Variants in RPGR observed in about 807,000 individuals in gnomAD.
RPGR encodes the protein X-linked retinitis pigmentosa GTPase regulator.
Under a neutral mutation model 56.3 loss-of-function variants are expected in RPGR, and 10 were observed. The ratio of observed to expected loss-of-function variants is 0.18; its 90% CI spans 0.11 to 0.30. The LOEUF (loss-of-function observed/expected upper bound fraction) is 0.30, where lower values mean the gene tolerates loss of function less well. Ranked by LOEUF, RPGR falls within the 10% of genes least tolerant of loss-of-function variation. The pLI is 1.00. For synonymous variants in RPGR, 197 were observed against 212.9 expected (o/e 0.93, Z 0.65); for missense variants, 538 against 590.9 (o/e 0.91, Z 0.93).
At chrX:38,302,121 T>A (rs2067512127) in intron 8 of RPGR, among the ~76,000 whole-genome samples, 1 of 111,809 alleles carries the variant, frequency 8.9e-6, no homozygotes, top group South Asian at 3.7e-4. Flanking sequence ...TGATGAGTAA[T>A]CTTGTCACTT....
chrX:38,270,609 C>T (rs183683356), intron 18 of RPGR, among the ~76,000 whole-genome samples: 2,050 of 91,742 alleles, frequency 0.022, 43 homozygotes, highest in Middle Eastern at 0.053. Context: ...GGCGACAGAG[C>T]GAGACTCTGT....
intron 15 of RPGR, chrX:38,285,226 T>C (rs1462637085): frequency 2.6e-5 from 24 of 920,278 alleles, no homozygotes; most frequent in Non-Finnish European, 2.4e-5. Flanking sequence ...TCTTGTAGTA[T>C]ATTCCTGTTT....
chrX:38,317,722 A>G (rs1315983946), intron 5 of RPGR: 1 of 289,458 alleles, frequency 3.5e-6, no homozygotes, highest in African/African-American at 2.7e-5. Context: ...TTATCTCGAT[A>G]GCAAAGACAG....
At chrX:38,304,501 G>A (rs2067559203) in intron 8 of RPGR, 134 bp downstream of exon 8, 1 of 502,189 alleles carries the variant, frequency 2.0e-6, no homozygotes, top group Admixed American at 3.8e-5. Context: ...CTTTGGAATA[G>A]TAAACATGGA....
chrX:38,287,574 C>G (rs1475928345), intron 14 of RPGR: 3 of 506,480 alleles, frequency 5.9e-6, no homozygotes, highest in Non-Finnish European at 1.1e-5. Context: ...TCTCAGTATT[C>G]ATACCTCTAT....
At chrX:38,319,646 T>C (rs990635633) in intron 4 of RPGR, among the ~76,000 whole-genome samples, 2 of 112,176 alleles carry the variant, frequency 1.8e-5, no homozygotes, top group South Asian at 3.7e-4. Context: ...ACCTACTTCA[T>C]AGAGTTGTTA....
At chrX:38,285,481 T>C in intron 15 of RPGR, 1 of 1,209,590 alleles carries the variant, frequency 8.3e-7, no homozygotes, top group Non-Finnish European at 1.1e-6. Context: ...TGAGTGCCCG[T>C]TATATGCAAG....
intron 5 of RPGR, 30 bp downstream of exon 5, chrX:38,318,799 G>A: frequency 8.3e-7 from 1 of 1,206,402 alleles, no homozygotes; most frequent in East Asian, 3.0e-5. Flanking sequence ...AAAGGAATGT[G>A]TCCCAGACTG....
At chrX:38,324,153 G>A (rs114190925) in intron 1 of RPGR, among the ~76,000 whole-genome samples, 3,629 of 111,675 alleles carry the variant, frequency 0.032, 98 homozygotes, top group African/African-American at 0.091. Context: ...GCACAATCAC[G>A]GCTAACTGCT....
At chrX:38,311,919 G>A (rs1328168417) in intron 6 of RPGR, among the ~76,000 whole-genome samples, 1 of 111,859 alleles carries the variant, frequency 8.9e-6, no homozygotes, top group Non-Finnish European at 1.9e-5. Flanking sequence ...GAAAGTACTA[G>A]GAAGCCCAAG....
chrX:38,312,436 C>T, intron 6 of RPGR, among the ~76,000 whole-genome samples: 1 of 111,168 alleles, frequency 9.0e-6, no homozygotes, highest in South Asian at 3.8e-4. Context: ...CACACAATAT[C>T]AGATGCATCT....
At chrX:38,307,770 T>C (rs2067630490) in intron 7 of RPGR, among the ~76,000 whole-genome samples, 1 of 112,063 alleles carries the variant, frequency 8.9e-6, no homozygotes, top group South Asian at 3.7e-4. Flanking sequence ...CTCTCACAGG[T>C]CCATGGAGAA....
chrX:38,315,215 C>G (rs1328112663), intron 6 of RPGR, among the ~76,000 whole-genome samples: 1 of 110,938 alleles, frequency 9.0e-6, no homozygotes, highest in Non-Finnish European at 1.9e-5. Context: ...GCCTGTAATT[C>G]CAGCTACTCA....
At chrX:38,315,272 C>T (rs1181908865) in intron 6 of RPGR, among the ~76,000 whole-genome samples, 1 of 111,401 alleles carries the variant, frequency 9.0e-6, no homozygotes, top group African/African-American at 3.3e-5. Flanking sequence ...GCAGAGGTTG[C>T]AGTGAGCCGG....
chrX:38,275,631 T>C (rs1469077566), intron 16 of RPGR, among the ~76,000 whole-genome samples: 1 of 111,775 alleles, frequency 8.9e-6, no homozygotes, highest in African/African-American at 3.3e-5. Flanking sequence ...AAGAATGACC[T>C]TTACCACAAT....
intron 1 of RPGR, among the ~76,000 whole-genome samples, chrX:38,324,488 C>G (rs1367934200): frequency 1.8e-5 from 2 of 110,361 alleles, no homozygotes; most frequent in Admixed American, 9.6e-5. Context: ...AATTACTCCA[C>G]CACTATCTCT....
intron 1 of RPGR, among the ~76,000 whole-genome samples, chrX:38,323,894 T>C (rs2067994754): frequency 8.9e-6 from 1 of 112,184 alleles, no homozygotes; most frequent in South Asian, 3.7e-4. Context: ...TAACACCTCA[T>C]GGTCTGGCCT....
At chrX:38,323,163 A>G (rs1468324230) in intron 2 of RPGR, among the ~76,000 whole-genome samples, 3 of 112,131 alleles carry the variant, frequency 2.7e-5, no homozygotes, top group Non-Finnish European at 5.6e-5. Context: ...ATTATATTGA[A>G]ATAGATTCAT....
rs1229688029 is a variant in RPGR, at chrX:38,286,614, C to G, written c.1905+480G>C. Reference sequence around the variant, plus strand: ...TCCCCTCTGTTTCCTCCTCTTCCCCCTCTCCTTGGTCTCCTTCTTCCTCTC... The same window carrying G: ...TCCCCTCTGTTTCCTCCTCTTCCCCGTCTCCTTGGTCTCCTTCTTCCTCTC... On this transcript the variant is annotated intron_variant, in intron 15 of 18. Transcript: ENST00000642395. The G allele has an allele frequency of 5.0e-5, 56 of 1,118,543 alleles. No homozygotes were observed. The Admixed American group carries it at 1.6e-3, about 31-fold the overall frequency. The allele number at this position is 1,118,543 out of a possible 1,213,427, so 92.2% of individuals were successfully genotyped here.
Sources: allele counts gnomAD v4.1 joint callset (sites outside exome capture counted in the v4.1 genomes callset), GRCh38; gene constraint gnomAD v4.1.1; transcripts MANE v1.5; gene names NCBI Gene and HGNC (gene_info 2026-07-23, HGNC 2026-07-21).